Variants in RBFOX1 observed in about 807,000 individuals in gnomAD.
RBFOX1 encodes the protein RNA binding protein fox-1 homolog 1.
A neutral mutation model predicts 57.7 loss-of-function variants in RBFOX1; 8 were observed. The ratio of observed to expected loss-of-function variants is 0.14; its 90% CI spans 0.08 to 0.25. RBFOX1 has a LOEUF of 0.25. RBFOX1 is among the 10% of genes least tolerant of loss of function. The probability of loss-of-function intolerance (pLI) is 1.00; values close to 1 mark genes in which losing one functional copy is unlikely to be tolerated. For missense variants in RBFOX1, 611 were observed against 548.5 expected, an observed-to-expected ratio of 1.11 and a Z score of -1.14; for synonymous variants, 326 against 222.4, an observed-to-expected ratio of 1.47 and a Z score of -4.15.
chr16:7,477,359 G>C lies in RBFOX1; in HGVS notation c.28-40788G>C, dbSNP rs137872076. Among the ~76,000 whole-genome samples the C allele has an allele frequency of 3.4e-3, 525 of 152,244 alleles. 4 individuals carry two copies. The highest frequency in any genetic ancestry group is 0.012 in the African/African-American group (500 of 41,540). On this transcript the variant is annotated intron_variant, in intron 4 of 15. Coordinates refer to ENST00000550418, the MANE Select transcript of RBFOX1 (RefSeq NM_018723.4). ...TCCAAACAGCCCTAAATCATTGTGA[G>C]GACCTGGGCTCCAGTTTGGGTCTAT...
intron 3 of RBFOX1, among the ~76,000 whole-genome samples, chr16:6,733,570 T>C (rs1183510174): frequency 6.6e-6 from 1 of 152,188 alleles, no homozygotes; most frequent in South Asian, 2.1e-4. Flanking sequence ...ATAATGGTTG[T>C]AGCCTGCAGT....
In RBFOX1 at chr16:6,676,668, CTTTTCT is replaced by C. The variant is rs1240535023; in HGVS notation, c.-16+22023_-16+22028del. ...TTTCTTTTTTTTTCTTTTTGTTTTT[CTTTTCT>C]TTTTTTTTTTTTTTTTTTGAGACAA... On this transcript the variant is annotated intron_variant, in intron 3 of 15. Transcript: ENST00000550418. Among the ~76,000 whole-genome samples, 345 of 126,632 alleles carry C rather than the reference CTTTTCT, an allele frequency of 2.7e-3. 1 individual carries two copies. Among genetic ancestry groups the C allele is most frequent in the South Asian group, 0.016 (62 of 3,906 alleles). 83.1% of individuals were successfully genotyped at this position (126,632 alleles called of 152,430 possible).
intron 2 of RBFOX1, among the ~76,000 whole-genome samples, chr16:6,379,654 C>G (rs535160018): frequency 2.9e-5 from 4 of 139,272 alleles, no homozygotes; most frequent in African/African-American, 1.1e-4. Context: ...ATGCAAGTGT[C>G]AAGAGCTGTG....
chr16:5,360,998 C>G (rs957791843), intron 1 of RBFOX1, among the ~76,000 whole-genome samples: 4 of 152,136 alleles, frequency 2.6e-5, no homozygotes, highest in African/African-American at 9.7e-5. Flanking sequence ...CAAGGCTGCA[C>G]ACGATGCAGG....
chr16:5,280,377 A>T (rs536749458), intron 1 of RBFOX1, among the ~76,000 whole-genome samples: 23 of 152,090 alleles, frequency 1.5e-4, no homozygotes, highest in Non-Finnish European at 2.8e-4. Context: ...GTGTATTCGG[A>T]ATATTGGCCT....
chr16:5,822,434 ATAAAAT>A (rs1360365159), intron 3 of RBFOX1, among the ~76,000 whole-genome samples: 1 of 152,206 alleles, frequency 6.6e-6, no homozygotes, highest in East Asian at 1.9e-4. Context: ...TTATGGAAAA[ATAAAAT>A]TAATAAATAC....
intron 2 of RBFOX1, among the ~76,000 whole-genome samples, chr16:6,563,361 T>C (rs1425819930): frequency 1.3e-5 from 2 of 152,166 alleles, no homozygotes; most frequent in Admixed American, 6.5e-5. Flanking sequence ...TTCATAGGAA[T>C]CCATTTAAGT....
intron 1 of RBFOX1, among the ~76,000 whole-genome samples, chr16:5,377,630 A>C (rs1201546526): frequency 2.0e-5 from 3 of 150,604 alleles, no homozygotes; most frequent in African/African-American, 7.4e-5. Flanking sequence ...GAGAGAGAGA[A>C]CGAGAATGAG....
intron 3 of RBFOX1, among the ~76,000 whole-genome samples, chr16:6,659,404 C>G (rs892013816): frequency 1.3e-5 from 2 of 152,074 alleles, no homozygotes; most frequent in African/African-American, 4.8e-5. Flanking sequence ...TGGGAGATAG[C>G]TTTCGTGCTG....
chr16:6,832,725 G>A (rs1328699429), intron 3 of RBFOX1, among the ~76,000 whole-genome samples: 1 of 152,152 alleles, frequency 6.6e-6, no homozygotes, highest in African/African-American at 2.4e-5. Context: ...TACTGGGAAG[G>A]GTCTATCTTT....
chr16:7,475,262 GGGA>G (rs2062409623), intron 4 of RBFOX1, among the ~76,000 whole-genome samples: 1 of 151,872 alleles, frequency 6.6e-6, no homozygotes, highest in Non-Finnish European at 1.5e-5. Flanking sequence ...CTCCTTCAAA[GGGA>G]GGAGTGTGCA....
At chr16:6,537,541 A>C (rs1474971880) in intron 2 of RBFOX1, among the ~76,000 whole-genome samples, 1 of 152,166 alleles carries the variant, frequency 6.6e-6, no homozygotes, top group Non-Finnish European at 1.5e-5. Context: ...CTGAGCTAAC[A>C]CTCAGTGGAG....
At chr16:6,137,905 A>C (rs1199774028) in intron 1 of RBFOX1, among the ~76,000 whole-genome samples, 1 of 152,094 alleles carries the variant, frequency 6.6e-6, no homozygotes, top group Non-Finnish European at 1.5e-5. Flanking sequence ...CCCGTACACC[A>C]GGCCTTCACA....
At chr16:7,534,315 A>G (rs139258992) in intron 5 of RBFOX1, among the ~76,000 whole-genome samples, 4 of 151,396 alleles carry the variant, frequency 2.6e-5, no homozygotes, top group East Asian at 3.9e-4. Flanking sequence ...CTGGTCTCGA[A>G]CTCCTGGCCT....
At chr16:6,930,910 C>T (rs1180452580) in intron 3 of RBFOX1, among the ~76,000 whole-genome samples, 3 of 151,988 alleles carry the variant, frequency 2.0e-5, no homozygotes, top group South Asian at 4.2e-4. Context: ...ATAGCCGAGT[C>T]TTCTGTGTAT....
At chr16:6,238,542 C>G (rs564497380) in intron 1 of RBFOX1, among the ~76,000 whole-genome samples, 1 of 152,250 alleles carries the variant, frequency 6.6e-6, no homozygotes, top group Admixed American at 6.5e-5. Context: ...GCTTTCATGA[C>G]CCAGATAAAG....
chr16:7,650,336 G>T (rs1235298939), intron 11 of RBFOX1, among the ~76,000 whole-genome samples: 1 of 146,888 alleles, frequency 6.8e-6, no homozygotes, highest in Non-Finnish European at 1.5e-5. Context: ...TTTTGGCCAA[G>T]GGTACCTAGC....
chr16:5,287,566 G>A (rs1417783265), intron 1 of RBFOX1, among the ~76,000 whole-genome samples: 7 of 152,268 alleles, frequency 4.6e-5, no homozygotes, highest in East Asian at 1.9e-4. Context: ...TACAACAATC[G>A]TTTATTTTCA....
At chr16:6,811,844 G>C (rs553422898) in intron 3 of RBFOX1, among the ~76,000 whole-genome samples, 15 of 152,266 alleles carry the variant, frequency 9.9e-5, no homozygotes, top group Admixed American at 5.2e-4. Context: ...AGCCGAGATT[G>C]TGCCATTGCA....
Sources: allele counts gnomAD v4.1 joint callset (sites outside exome capture counted in the v4.1 genomes callset), GRCh38; gene constraint gnomAD v4.1.1; transcripts MANE v1.5; gene names NCBI Gene and HGNC (gene_info 2026-07-23, HGNC 2026-07-21).